GRIN2B: variants seen among roughly 807,000 people sequenced by gnomAD.
The protein encoded by GRIN2B is glutamate receptor ionotropic, NMDA 2B.
GRIN2B carries 5 observed loss-of-function variants against 114.5 expected under a neutral mutation model. The observed-to-expected ratio is 0.04, with a 90% CI of 0.02 to 0.09. The LOEUF (loss-of-function observed/expected upper bound fraction) is 0.09, where lower values mean the gene tolerates loss of function less well. Among genes scored for constraint, GRIN2B ranks in the 10% least tolerant of loss-of-function variants. The pLI is 1.00. For synonymous variants in GRIN2B, 787 were observed against 745.1 expected (o/e 1.06, Z -0.92); for missense variants, 1,108 against 1,943.5 (o/e 0.57, Z 8.08).
intron 3 of GRIN2B, among the ~76,000 whole-genome samples, chr12:13,789,361 G>T (rs188948933): frequency 1.8e-4 from 28 of 152,290 alleles, no homozygotes; most frequent in Admixed American, 1.8e-3. Context: ...CCAGCAAAAA[G>T]GTTTCAGAAG....
chr12:13,645,294 G>A (rs1432303711), intron 5 of GRIN2B, among the ~76,000 whole-genome samples: 3 of 152,062 alleles, frequency 2.0e-5, no homozygotes, highest in Non-Finnish European at 2.9e-5. Context: ...TGGGAGAAAG[G>A]CCAGTTGCTG....
At chr12:13,893,019 C>T (rs1185748078) in intron 2 of GRIN2B, among the ~76,000 whole-genome samples, 3 of 152,152 alleles carry the variant, frequency 2.0e-5, no homozygotes, top group Admixed American at 1.3e-4. Flanking sequence ...CCAAAACCAT[C>T]CCTGTGACCC....
chr12:13,687,356 T>G (rs191218042), intron 4 of GRIN2B, among the ~76,000 whole-genome samples: 245 of 152,250 alleles, frequency 1.6e-3, no homozygotes, highest in African/African-American at 5.2e-3. Context: ...TTGGTTCTCC[T>G]TATACAACTC....
At chr12:13,606,715 C>T (rs372845373) in intron 10 of GRIN2B, among the ~76,000 whole-genome samples, 10 of 152,090 alleles carry the variant, frequency 6.6e-5, no homozygotes, top group South Asian at 6.2e-4. Context: ...ATTGTGGTAG[C>T]GGCTGCAAAT....
chr12:13,635,109 T>G lies in GRIN2B; in HGVS notation c.1126-18452A>C, dbSNP rs541250960. Reference sequence around the variant, plus strand: ...GAGTGATAGATTTCATTCAGGTGCCTGGGCCAACAGAGGGTCCAGTAAGGC... The same window carrying G: ...GAGTGATAGATTTCATTCAGGTGCCGGGGCCAACAGAGGGTCCAGTAAGGC... On this transcript the variant is annotated intron_variant, in intron 5 of 13. Transcript: ENST00000609686. Among the ~76,000 whole-genome samples the G allele has an allele frequency of 1.5e-3, 225 of 152,338 alleles. 1 individual carries two copies. Among genetic ancestry groups the G allele is most frequent in the Non-Finnish European group, 2.6e-3 (178 of 68,036 alleles).
At chr12:13,621,623 T>G (rs1415456445) in intron 5 of GRIN2B, among the ~76,000 whole-genome samples, 53 of 140,768 alleles carry the variant, frequency 3.8e-4, no homozygotes, top group South Asian at 2.2e-3. Context: ...GTTTTTTTTT[T>G]TTTTTTTTTT....
chr12:13,694,451 T>C (rs894849639), intron 4 of GRIN2B, among the ~76,000 whole-genome samples: 23 of 151,772 alleles, frequency 1.5e-4, no homozygotes, highest in Non-Finnish European at 1.0e-4. Context: ...CAAGCACTGA[T>C]TGTGTTACAG....
At chr12:13,577,203 C>A (rs1948787834) in intron 10 of GRIN2B, among the ~76,000 whole-genome samples, 1 of 152,204 alleles carries the variant, frequency 6.6e-6, no homozygotes, top group Non-Finnish European at 1.5e-5. Context: ...AATCAAATGC[C>A]AATTCCCATC....
At chr12:13,650,218 G>A (rs913037574) in intron 5 of GRIN2B, among the ~76,000 whole-genome samples, 3 of 151,962 alleles carry the variant, frequency 2.0e-5, no homozygotes, top group Non-Finnish European at 2.9e-5. Context: ...TCTCCTCCAT[G>A]TGGACACTCC....
In GRIN2B at chr12:13,936,479, G is replaced by C. The variant is rs7304013; in HGVS notation, c.-19+43449C>G. Reference sequence around the variant, plus strand: ...AAGATTGAGTCTTACCAAGTTAGAGGGACTTGGAAAATGCCATGAGTTTTC... The same window carrying C: ...AAGATTGAGTCTTACCAAGTTAGAGCGACTTGGAAAATGCCATGAGTTTTC... On this transcript the variant is annotated intron_variant, in intron 2 of 13. Coordinates refer to ENST00000609686, the MANE Select transcript of GRIN2B (RefSeq NM_000834.5). Among the ~76,000 whole-genome samples, 1,038 of 152,140 alleles carry C rather than the reference G, an allele frequency of 6.8e-3. 15 individuals carry two copies. Among genetic ancestry groups the C allele is most frequent in the African/African-American group, 0.024 (1,001 of 41,508 alleles).
intron 4 of GRIN2B, among the ~76,000 whole-genome samples, chr12:13,740,470 CTTT>C (rs1205995776): frequency 1.3e-5 from 2 of 150,568 alleles, no homozygotes; most frequent in Non-Finnish European, 3.0e-5. Flanking sequence ...TGTCCCGTTT[CTTT>C]CATTTCTAAT....
chr12:13,605,090 A>AG (rs1565472178), intron 10 of GRIN2B, among the ~76,000 whole-genome samples: 8 of 151,336 alleles, frequency 5.3e-5, no homozygotes, highest in African/African-American at 1.9e-4. Flanking sequence ...TTTTGTCTTA[A>AG]TGATGAACAA....
At chr12:13,596,661 G>T (rs182184863) in intron 10 of GRIN2B, among the ~76,000 whole-genome samples, 3 of 152,130 alleles carry the variant, frequency 2.0e-5, no homozygotes, top group Non-Finnish European at 2.9e-5. Flanking sequence ...AATAATATTC[G>T]ATGTCTTTTT....
intron 3 of GRIN2B, among the ~76,000 whole-genome samples, chr12:13,796,153 A>G (rs1447128223): frequency 2.6e-5 from 4 of 152,062 alleles, no homozygotes; most frequent in African/African-American, 9.7e-5. Flanking sequence ...ATTGGCTATG[A>G]ATGGAACATC....
chr12:13,978,335 G>C (rs927966914), intron 2 of GRIN2B, among the ~76,000 whole-genome samples: 1 of 152,180 alleles, frequency 6.6e-6, no homozygotes. Flanking sequence ...ATTTGTAGAC[G>C]TGGTGAGAAC....
At chr12:13,942,859 C>T (rs776550490) in intron 2 of GRIN2B, among the ~76,000 whole-genome samples, 1 of 152,166 alleles carries the variant, frequency 6.6e-6, no homozygotes, top group Non-Finnish European at 1.5e-5. Flanking sequence ...AGCACAATCT[C>T]ATTATCATCT....
chr12:13,771,396 C>T (rs966902382), intron 3 of GRIN2B, among the ~76,000 whole-genome samples: 1 of 152,104 alleles, frequency 6.6e-6, no homozygotes, highest in Non-Finnish European at 1.5e-5. Context: ...TTTGATAAAC[C>T]TACACAGTTT....
At chr12:13,962,717 G>A (rs535029864) in intron 2 of GRIN2B, among the ~76,000 whole-genome samples, 1 of 152,320 alleles carries the variant, frequency 6.6e-6, no homozygotes, top group Admixed American at 6.5e-5. Context: ...GAGGCTGGCA[G>A]GCGGGCGGGC....
intron 5 of GRIN2B, among the ~76,000 whole-genome samples, chr12:13,664,948 C>A (rs1425255615): frequency 6.6e-6 from 1 of 152,174 alleles, no homozygotes; most frequent in South Asian, 2.1e-4. Flanking sequence ...GGTGCCACTG[C>A]CATGATGGTT....
Sources: gnomAD v4.1 joint callset for allele counts (sites outside exome capture counted in the v4.1 genomes callset) on GRCh38, gnomAD v4.1.1 for gene constraint, MANE v1.5 for transcripts, NCBI Gene and HGNC (gene_info 2026-07-23, HGNC 2026-07-21) for gene names.